MTA3: variants seen among roughly 807,000 people sequenced by gnomAD.
MTA3 encodes the protein metastasis associated 1 family member 3.
A neutral mutation model predicts 83.5 loss-of-function variants in MTA3; 34 were observed. The observed-to-expected ratio is 0.41, with a 90% CI of 0.31 to 0.54. The LOEUF is 0.54. Among genes scored for constraint, MTA3 ranks in the 20% least tolerant of loss-of-function variants. The pLI is 0.33. For missense variants in MTA3, 761 were observed against 726.4 expected (o/e 1.05, Z -0.55); for synonymous variants, 303 against 252.7 (o/e 1.20, Z -1.89).
At chr2:42,740,051 T>C (rs532182260) in intron 16 of MTA3, among the ~76,000 whole-genome samples, 1 of 152,334 alleles carries the variant, frequency 6.6e-6, no homozygotes, top group East Asian at 1.9e-4. Flanking sequence ...TTAGTATTGA[T>C]ATTTTGGCCT....
intron 2 of MTA3, among the ~76,000 whole-genome samples, chr2:42,551,944 T>A (rs765915806): frequency 6.6e-6 from 1 of 152,048 alleles, no homozygotes; most frequent in Non-Finnish European, 1.5e-5. Context: ...GCCAAGATGG[T>A]CTCGATCTCT....
intron 2 of MTA3, among the ~76,000 whole-genome samples, chr2:42,531,892 G>A (rs571400997): frequency 1.3e-5 from 2 of 152,208 alleles, no homozygotes; most frequent in South Asian, 4.1e-4. Flanking sequence ...GAGTAGCTGG[G>A]ACTACAGGTG....
At chr2:42,597,788 C>T (rs770152492) in intron 3 of MTA3, among the ~76,000 whole-genome samples, 1 of 150,864 alleles carries the variant, frequency 6.6e-6, no homozygotes, top group Non-Finnish European at 1.5e-5. Context: ...TCAACTGATC[C>T]TCCTGCTTCA....
intron 8 of MTA3, among the ~76,000 whole-genome samples, chr2:42,677,298 T>G (rs958068395): frequency 6.6e-6 from 1 of 152,182 alleles, no homozygotes; most frequent in African/African-American, 2.4e-5. Context: ...TCCTGTGCTG[T>G]TCTCGTGATA....
upstream of MTA3, among the ~76,000 whole-genome samples, chr2:42,563,659 G>T (rs1677765278): frequency 6.6e-6 from 1 of 151,594 alleles, no homozygotes; most frequent in African/African-American, 2.4e-5. Flanking sequence ...GTGGATATGG[G>T]ATTTCGCCAT....
intron 6 of MTA3, among the ~76,000 whole-genome samples, chr2:42,655,081 A>G (rs1689051161): frequency 1.3e-5 from 2 of 152,168 alleles, no homozygotes; most frequent in Non-Finnish European, 2.9e-5. Flanking sequence ...GGAACTCTTA[A>G]AGGAGGCTGC....
chr2:42,746,071 T>C (rs1367071638), intron 16 of MTA3, among the ~76,000 whole-genome samples: 2 of 151,958 alleles, frequency 1.3e-5, no homozygotes, highest in African/African-American at 2.4e-5. Context: ...CTTGGCCTCC[T>C]AAAGTGCTGG....
chr2:42,734,070 A>C (rs920016171), intron 16 of MTA3, among the ~76,000 whole-genome samples: 8 of 152,134 alleles, frequency 5.3e-5, no homozygotes, highest in African/African-American at 1.7e-4. Context: ...ATTAAGTCCT[A>C]GGTTTCTTTA....
At chr2:42,729,657 G>T (rs1668112888) in intron 16 of MTA3, among the ~76,000 whole-genome samples, 1 of 152,116 alleles carries the variant, frequency 6.6e-6, no homozygotes, top group South Asian at 2.1e-4. Flanking sequence ...CTGTATGTCT[G>T]TTTTTATGCC....
At chr2:42,711,523 C>G (rs1449715071) in intron 14 of MTA3, among the ~76,000 whole-genome samples, 1 of 152,130 alleles carries the variant, frequency 6.6e-6, no homozygotes, top group Non-Finnish European at 1.5e-5. Context: ...TAATCAGATT[C>G]TTAAATAATT....
At chr2:42,617,062 A>G (rs1244061411) in intron 4 of MTA3, among the ~76,000 whole-genome samples, 1 of 152,214 alleles carries the variant, frequency 6.6e-6, no homozygotes, top group Non-Finnish European at 1.5e-5. Context: ...TTTGTTGTGA[A>G]ACAAAACCAA....
At chr2:42,675,834 T>C (rs1186595744) in intron 8 of MTA3, among the ~76,000 whole-genome samples, 1 of 152,218 alleles carries the variant, frequency 6.6e-6, no homozygotes, top group African/African-American at 2.4e-5. Flanking sequence ...GTAAAGCTCT[T>C]AAGGGTAAGA....
chr2:42,521,393 CA>C (rs1675424064), intron 2 of MTA3, among the ~76,000 whole-genome samples: 2 of 152,182 alleles, frequency 1.3e-5, no homozygotes, highest in Admixed American at 6.6e-5. Context: ...GACCCTGAGC[CA>C]GGGGCAAACA....
rs1693517807 is a variant in MTA3 at position 42,697,767 on chromosome 2, T to C, written c.967-9T>C. 6.5e-7 allele frequency: 1 copy of C among 1,530,748 alleles called. No individual in the cohort carries two copies. Among genetic ancestry groups the C allele is most frequent in the Non-Finnish European group, 8.8e-7 (1 of 1,137,742 alleles). 94.8% of individuals were successfully genotyped at this position (1,530,748 alleles called of 1,614,324 possible). A position where few individuals can be genotyped will look rare whatever the true frequency, so the allele number is the denominator to read the frequency against. On this transcript the variant is annotated splice_polypyrimidine_tract_variant and intron_variant, in intron 10 of 16. Transcript: ENST00000405094. ...GCATGTAAAATGTTTTATTCATCTT[T>C]TGAATTAGAAACGTCTAAAAGCAGC...
intron 8 of MTA3, among the ~76,000 whole-genome samples, chr2:42,668,461 C>A (rs1690497676): frequency 6.6e-6 from 1 of 152,136 alleles, no homozygotes; most frequent in Non-Finnish European, 1.5e-5. Context: ...AAGGCTGCCG[C>A]TGAGTTCCCA....
intron 6 of MTA3, among the ~76,000 whole-genome samples, chr2:42,651,121 T>A (rs556754646): frequency 3.9e-5 from 6 of 152,296 alleles, no homozygotes; most frequent in Non-Finnish European, 7.4e-5. Flanking sequence ...ATTGTGTATC[T>A]AAACATATCT....
Position 42,568,692 on chromosome 2 carries a change from A to AGGCGGCGGC in MTA3, c.-48_-40dup. ...GCGGTCGCGGCTGAGGCTGAGGAGG[A>AGGCGGCGGC]GGCGGCGGCGGCGGGCGGGGCTCGG... On this transcript the variant is annotated 5_prime_UTR_variant, in exon 1 of 17. Coordinates refer to ENST00000405094, the MANE Select transcript of MTA3 (RefSeq NM_001330442.2). 1.7e-6 allele frequency: 2 copies of AGGCGGCGGC among 1,164,868 alleles called. No homozygotes were observed. Among genetic ancestry groups the AGGCGGCGGC allele is most frequent in the Non-Finnish European group, 2.1e-6 (2 of 944,566 alleles). 72.2% of individuals were successfully genotyped at this position (1,164,868 alleles called of 1,614,324 possible).
intron 2 of MTA3, among the ~76,000 whole-genome samples, chr2:42,546,444 A>T (rs1386842872): frequency 6.6e-6 from 1 of 152,104 alleles, no homozygotes; most frequent in African/African-American, 2.4e-5. Flanking sequence ...AATGTGTATA[A>T]TCAAATCCAG....
intron 2 of MTA3, among the ~76,000 whole-genome samples, chr2:42,546,316 C>G (rs1441552333): frequency 3.3e-5 from 5 of 152,132 alleles, no homozygotes; most frequent in African/African-American, 1.2e-4. Context: ...CCTGGCCCCA[C>G]ACTGAGGAAG....
Sources: gnomAD v4.1 joint callset for allele counts (sites outside exome capture counted in the v4.1 genomes callset) on GRCh38, gnomAD v4.1.1 for gene constraint, MANE v1.5 for transcripts, NCBI Gene and HGNC (gene_info 2026-07-23, HGNC 2026-07-21) for gene names.